Variants in NEXMIF observed in about 807,000 individuals in gnomAD.
NEXMIF encodes XLMR protein related to neurite extension.
Under a neutral mutation model 62.1 loss-of-function variants are expected in NEXMIF, and 8 were observed. That is an observed-to-expected ratio of 0.13 (90% confidence interval 0.08 to 0.23). The LOEUF is 0.23. NEXMIF is among the 10% of genes least tolerant of loss of function. The pLI, the probability that NEXMIF is intolerant of heterozygous loss-of-function variation, is 1.00. For synonymous variants in NEXMIF, 404 were observed against 416.6 expected, an observed-to-expected ratio of 0.97 and a Z score of 0.37; for missense variants, 976 against 1,113.3, an observed-to-expected ratio of 0.88 and a Z score of 1.75.
At chrX:74,894,283 G>A (rs185034622) in intron 1 of NEXMIF, among the ~76,000 whole-genome samples, 244 of 111,176 alleles carry the variant, frequency 2.2e-3, no homozygotes, top group African/African-American at 7.7e-3. Context: ...GTGGCAGAGC[G>A]AGATTCTGTC....
intron 1 of NEXMIF, among the ~76,000 whole-genome samples, chrX:74,816,738 A>T (rs1211110070): frequency 3.6e-5 from 4 of 111,682 alleles, no homozygotes; most frequent in African/African-American, 1.3e-4. Flanking sequence ...TTAACCCTGA[A>T]ATTTCTTACT....
intron 2 of NEXMIF, 30 bp downstream of exon 2, chrX:74,745,542 T>G (rs879021271): frequency 1.0e-6 from 1 of 1,002,980 alleles, no homozygotes; most frequent in South Asian, 1.9e-5. Context: ...CCAGGAGAGA[T>G]ATTAATATAC....
intron 1 of NEXMIF, among the ~76,000 whole-genome samples, chrX:74,848,474 AGTAGGTCT>A (rs1188110471): frequency 8.9e-6 from 1 of 112,677 alleles, no homozygotes; most frequent in Non-Finnish European, 1.9e-5. Flanking sequence ...TCAAAGTGTC[AGTAGGTCT>A]GTACCCTCCT....
chrX:74,897,580 A>G (rs945145810), intron 1 of NEXMIF, among the ~76,000 whole-genome samples: 2 of 111,437 alleles, frequency 1.8e-5, no homozygotes, highest in Non-Finnish European at 3.8e-5. Context: ...TAACTGACAA[A>G]ATGGAATGTT....
chrX:74,864,862 C>A (rs973750198), intron 1 of NEXMIF, among the ~76,000 whole-genome samples: 1 of 110,847 alleles, frequency 9.0e-6, no homozygotes, highest in Non-Finnish European at 1.9e-5. Context: ...GCACCCACCA[C>A]CACCTCCAGC....
chrX:74,880,485 C>T (rs1186409516), intron 1 of NEXMIF, among the ~76,000 whole-genome samples: 2 of 111,663 alleles, frequency 1.8e-5, no homozygotes, highest in African/African-American at 6.5e-5. Flanking sequence ...AGCCCCACCC[C>T]TACATTACAA....
intron 1 of NEXMIF, among the ~76,000 whole-genome samples, chrX:74,832,049 C>A (rs2080439455): frequency 1.8e-5 from 2 of 112,187 alleles, no homozygotes; most frequent in East Asian, 5.6e-4. Context: ...CAATATTCAT[C>A]AGAGATATTG....
rs771143148 is a variant in NEXMIF at position 74,864,482 on chromosome X, G to A, written c.-48+60401C>T. On this transcript the variant is annotated intron_variant, in intron 1 of 3. Transcript: ENST00000055682. ...ACCCAGTTGGAAGTAATTGAATCAT[G>A]GGGGCAGGTTTTTCCCATGCTGTTG... 3.6e-5 allele frequency among the ~76,000 whole-genome samples: 4 copies of A among 111,571 alleles called. No individual in the cohort carries two copies. The East Asian group carries it at 1.1e-3, about 32-fold the overall frequency.
intron 1 of NEXMIF, among the ~76,000 whole-genome samples, chrX:74,912,982 CCAG>C (rs1249725427): frequency 2.7e-5 from 3 of 111,607 alleles, no homozygotes; most frequent in Non-Finnish European, 5.6e-5. Context: ...CCAGAGAAAG[CCAG>C]ATAAAACAGA....
intron 1 of NEXMIF, among the ~76,000 whole-genome samples, chrX:74,916,145 C>T (rs755218668): frequency 2.8e-4 from 31 of 111,843 alleles, no homozygotes; most frequent in Non-Finnish European, 5.4e-4. Context: ...CAATACATCA[C>T]GGCTAATGAT....
chrX:74,890,821 A>C (rs981103924), intron 1 of NEXMIF, among the ~76,000 whole-genome samples: 2 of 111,326 alleles, frequency 1.8e-5, no homozygotes, highest in Non-Finnish European at 3.8e-5. Flanking sequence ...GACCCTGCTC[A>C]CCAGACCAGG....
chrX:74,874,492 A>C (rs1460492554), intron 1 of NEXMIF, among the ~76,000 whole-genome samples: 1 of 110,035 alleles, frequency 9.1e-6, no homozygotes, highest in South Asian at 3.9e-4. Flanking sequence ...TTTTGGTTCC[A>C]TATGAACTTT....
intron 1 of NEXMIF, among the ~76,000 whole-genome samples, chrX:74,851,911 A>T (rs2080515225): frequency 8.9e-6 from 1 of 111,894 alleles, no homozygotes; most frequent in African/African-American, 3.2e-5. Flanking sequence ...GACACAAAAG[A>T]TATACAAACA....
At chrX:74,774,884 A>G (rs2080224165) in intron 1 of NEXMIF, among the ~76,000 whole-genome samples, 1 of 111,697 alleles carries the variant, frequency 9.0e-6, no homozygotes, top group Admixed American at 9.5e-5. Flanking sequence ...AGAAAACTGC[A>G]CACTCACATT....
Position 74,743,904 on chromosome X carries a change from C to T in NEXMIF, c.653G>A (p.Arg218Gln), listed in dbSNP as rs747496798. 18 of 1,209,305 alleles carry T rather than the reference C, an allele frequency of 1.5e-5. No individual in the cohort carries two copies. Among genetic ancestry groups the T allele is most frequent in the East Asian group, 1.2e-4 (4 of 33,748 alleles). Residue 218 changes from arginine to glutamine, a missense_variant, in exon 3 of 4, where the codon CGA becomes CAA. By Grantham distance (43) the Arg-to-Gln change is conservative. Transcript: ENST00000055682. ...PLHKSRAGDRRETEKPDIDLE... is the reference protein window; with the variant it reads ...PLHKSRAGDRQETEKPDIDLE... ...GTCAATGTCAGGTTTCTCAGTTTCT[C>T]GTCTGTCTCCTGCCCTTGACTTATG...
At chrX:74,818,016 A>C (rs941182832) in intron 1 of NEXMIF, among the ~76,000 whole-genome samples, 4 of 111,418 alleles carry the variant, frequency 3.6e-5, no homozygotes, top group Non-Finnish European at 7.5e-5. Flanking sequence ...AATAATGTTA[A>C]AATGGCTATA....
intron 1 of NEXMIF, among the ~76,000 whole-genome samples, chrX:74,866,740 A>C (rs2080580856): frequency 8.9e-6 from 1 of 112,686 alleles, no homozygotes; most frequent in African/African-American, 3.2e-5. Flanking sequence ...TGTTGGTTTT[A>C]TATAGGGCAG....
chrX:74,796,185 A>C (rs2080308026), intron 1 of NEXMIF, among the ~76,000 whole-genome samples: 1 of 71,727 alleles, frequency 1.4e-5, no homozygotes, highest in Non-Finnish European at 2.5e-5. Flanking sequence ...ATATATACAT[A>C]TATATTATAT....
intron 1 of NEXMIF, among the ~76,000 whole-genome samples, chrX:74,760,378 T>G (rs2080172195): frequency 1.8e-5 from 2 of 111,612 alleles, no homozygotes; most frequent in South Asian, 7.5e-4. Context: ...TGGATGCCCT[T>G]TATTTCTTTC....
Sources: gnomAD v4.1 joint callset for allele counts (sites outside exome capture counted in the v4.1 genomes callset) on GRCh38, gnomAD v4.1.1 for gene constraint, MANE v1.5 for transcripts, NCBI Gene and HGNC (gene_info 2026-07-23, HGNC 2026-07-21) for gene names.